HERC2: variants seen among roughly 807,000 people sequenced by gnomAD.
HERC2 encodes E3 ubiquitin-protein ligase HERC2.
In HERC2, 102 loss-of-function variants were observed where a neutral mutation model predicts 537.7. That is an observed-to-expected ratio of 0.19 (90% CI 0.16 to 0.22). The LOEUF (loss-of-function observed/expected upper bound fraction) is 0.22, where lower values mean the gene tolerates loss of function less well. Ranked by LOEUF, HERC2 falls within the 10% of genes least tolerant of loss-of-function variation. The probability of loss-of-function intolerance (pLI) is 1.00; values close to 1 mark genes in which losing one functional copy is unlikely to be tolerated. For synonymous variants in HERC2, 2,224 were observed against 2,466.2 expected, an observed-to-expected ratio of 0.90 and a Z score of 2.91; for missense variants, 4,236 against 6,198.2, an observed-to-expected ratio of 0.68 and a Z score of 10.63.
intron 69 of HERC2, among the ~76,000 whole-genome samples, chr15:28,160,854 C>T (rs1347658405): frequency 1.3e-5 from 2 of 152,196 alleles, no homozygotes; most frequent in Admixed American, 1.3e-4. Flanking sequence ...TGGAGCTGTT[C>T]CTATTCAGCC....
Position 28,176,347 on chromosome 15 carries a change from G to T in HERC2, c.9686+81C>A, listed in dbSNP as rs528352060. On this transcript the variant is annotated intron_variant, in intron 63 of 92. Coordinates refer to ENST00000261609, the MANE Select transcript of HERC2 (RefSeq NM_004667.6). This position sits in a 1 kb window ranked among gnomAD's most constrained non-coding sequence, Gnocchi z 5.0. ...AAGAGGACACGTCACAATCACGCCG[G>T]GTGAGCCTGGGGCGAGGCCCAGGTT... 9.5e-5 allele frequency: 126 copies of T among 1,329,622 alleles called. 1 individual carries two copies. In the South Asian group the frequency reaches 1.4e-3, roughly 15 times the overall value. The allele number at this position is 1,329,622 out of a possible 1,614,324, so 82.4% of individuals were successfully genotyped here. A position where few individuals can be genotyped will look rare whatever the true frequency, so the allele number is the denominator to read the frequency against.
intron 7 of HERC2, 109 bp downstream of exon 7, chr15:28,274,182 G>T: frequency 9.0e-7 from 1 of 1,117,304 alleles, no homozygotes; most frequent in Non-Finnish European, 1.3e-6. Flanking sequence ...CTGAAAACAG[G>T]TGAAAAACCA....
intron 16 of HERC2, among the ~76,000 whole-genome samples, chr15:28,258,315 C>T (rs896848437): frequency 6.6e-6 from 1 of 151,950 alleles, no homozygotes; most frequent in Non-Finnish European, 1.5e-5. Flanking sequence ...ACTGAAAATA[C>T]AAAAAAATTA....
Position 28,144,685 on chromosome 15 carries a change from T to G in HERC2, c.11128A>C (p.Met3710Leu). 6.2e-7 allele frequency: 1 copy of G among 1,614,216 alleles called. No homozygotes were observed. The change falls in exon 72 of 93, where the codon ATG becomes CTG. Residue 3710 changes from methionine (M) to leucine (L), a missense_variant. Physicochemically the swap from Met to Leu is conservative, Grantham distance 15. Transcript: ENST00000261609. ...WGWRFTVYPIMPAAGPKELLS... is the reference protein window; with the variant it reads ...WGWRFTVYPILPAAGPKELLS... ...GCCCCTTCCTTACCAGCAGCTGGCATGATGGGATAGACGGTGAAGCGCCAG... is the reference window on the plus strand; with the variant it reads ...GCCCCTTCCTTACCAGCAGCTGGCAGGATGGGATAGACGGTGAAGCGCCAG...
rs183015438 is a variant in HERC2 at position 28,189,534 on chromosome 15, C to T, written c.8649+1431G>A. 4.8e-4 allele frequency among the ~76,000 whole-genome samples: 73 copies of T among 152,294 alleles called. No individual in the cohort carries two copies. The East Asian group carries it at 5.2e-3, about 11-fold the overall frequency. On this transcript the variant is annotated intron_variant, in intron 55 of 92. Transcript: ENST00000261609. ...TTTCATTTTTATAGTTTGCCAATTT[C>T]TTCACTTATTAGCACCACTGGTATT...
At chr15:28,287,193 T>C (rs936421432) in intron 4 of HERC2, among the ~76,000 whole-genome samples, 12 of 152,158 alleles carry the variant, frequency 7.9e-5, no homozygotes, top group Non-Finnish European at 1.3e-4. Context: ...CTCAAATTAA[T>C]GTGTTTTTCT....
At position 28,146,243 on chromosome 15, in the gene HERC2, G is replaced by T; in HGVS notation, c.11002C>A (p.Arg3668=). 2 of 1,612,382 alleles carry T rather than the reference G, an allele frequency of 1.2e-6. No homozygotes were observed. The highest frequency in any genetic ancestry group is 1.7e-6 in the Non-Finnish European group (2 of 1,178,548). ...CTCAACCTCCTGTCCTTACCTGACC[G>T]CACGGAGACGATCCTGTTGACGCCG... The part of the protein sequence containing the change: ...MDGVNRIVSV[R]SGREWSDWSS... The change falls in exon 71 of 93, where the codon CGG becomes AGG. Residue 3668 remains arginine (R), a synonymous_variant. Coordinates refer to ENST00000261609, the MANE Select transcript of HERC2 (RefSeq NM_004667.6).
At chr15:28,159,989 G>A (rs1474475325) in intron 69 of HERC2, among the ~76,000 whole-genome samples, 3 of 152,220 alleles carry the variant, frequency 2.0e-5, no homozygotes, top group Non-Finnish European at 4.4e-5. Flanking sequence ...GAGTTTGCTG[G>A]AGGTCCACTC....
Position 28,220,624 on chromosome 15 carries a change from T to C in HERC2, c.5673A>G (p.Leu1891=), listed in dbSNP as rs1448596090. Residue 1891 remains leucine, a synonymous_variant, in exon 37 of 93, where the codon CTA becomes CTG. Coordinates refer to ENST00000261609, the MANE Select transcript of HERC2 (RefSeq NM_004667.6). The stretch of plus-strand genomic sequence containing the variant: ...CTCCCAGCTCACCAATCACGCGGCC[T>C]AGGCCTGGAGGAGGCCCATCCTGAG... ...WGDQDGPPPG[L]GRVIGELGED... is the part of the protein sequence containing the mutation. The C allele has an allele frequency of 5.6e-6, 9 of 1,604,180 alleles. No homozygotes were observed. In the East Asian group the frequency reaches 2.0e-4, roughly 36 times the overall value.
Position 28,283,871 on chromosome 15 carries a change from T to C in HERC2, c.323-3584A>G, listed in dbSNP as rs150608324. Among the ~76,000 whole-genome samples, 183 of 152,220 alleles carry C rather than the reference T, an allele frequency of 1.2e-3. 2 individuals are homozygous for C. The highest frequency in any genetic ancestry group is 0.012 in the East Asian group (62 of 5,184). On this transcript the variant is annotated intron_variant, in intron 4 of 92. Coordinates refer to ENST00000261609, the MANE Select transcript of HERC2 (RefSeq NM_004667.6). ...TGATAAGTGTTCATATATACACAGG[T>C]TGAGTGTCCCTTATAAAATGCTCAG... is the stretch of plus-strand genomic sequence containing the variant.
chr15:28,176,332 G>T lies in HERC2; in HGVS notation c.9686+96C>A. The T allele has an allele frequency of 1.8e-6, 2 of 1,122,452 alleles. No homozygotes were observed. Among genetic ancestry groups the T allele is most frequent in the Non-Finnish European group, 2.6e-6 (2 of 764,312 alleles). 69.5% of individuals were successfully genotyped at this position (1,122,452 alleles called of 1,614,324 possible). Reference sequence around the variant, plus strand: ...GCATGCATAAGTAAAAAGAGGACACGTCACAATCACGCCGGGTGAGCCTGG... The same window carrying T: ...GCATGCATAAGTAAAAAGAGGACACTTCACAATCACGCCGGGTGAGCCTGG... On this transcript the variant is annotated intron_variant, in intron 63 of 92. Transcript: ENST00000261609. This position sits in a 1 kb window ranked among gnomAD's most constrained non-coding sequence, Gnocchi z 5.0.
intron 23 of HERC2, among the ~76,000 whole-genome samples, chr15:28,243,849 G>A (rs1181514531): frequency 6.6e-6 from 1 of 152,070 alleles, no homozygotes; most frequent in Non-Finnish European, 1.5e-5. Context: ...CAAACCAAGA[G>A]TCCCACCAAG....
intron 70 of HERC2, among the ~76,000 whole-genome samples, chr15:28,146,549 A>G (rs1436700292): frequency 2.0e-5 from 3 of 152,346 alleles, no homozygotes; most frequent in East Asian, 3.9e-4. Flanking sequence ...AAGGCCAGAA[A>G]ACACTTCCAC....
chr15:28,274,218 G>T (rs1425879207), intron 7 of HERC2, 73 bp downstream of exon 7: 4 of 1,517,486 alleles, frequency 2.6e-6, no homozygotes, highest in Non-Finnish European at 3.6e-6. Flanking sequence ...TAGCTCTAAA[G>T]CAAGGGTGGT....
chr15:28,194,301 G>A (rs1203245065), intron 52 of HERC2, among the ~76,000 whole-genome samples: 1 of 144,996 alleles, frequency 6.9e-6, no homozygotes, highest in Non-Finnish European at 1.5e-5. Flanking sequence ...TCCTGACCTC[G>A]TGATCCACCC....
chr15:28,276,911 T>G (rs2075889501), intron 5 of HERC2, among the ~76,000 whole-genome samples: 1 of 152,008 alleles, frequency 6.6e-6, no homozygotes, highest in Non-Finnish European at 1.5e-5. Context: ...GACCCCAGTC[T>G]CTACAAATAC....
intron 70 of HERC2, among the ~76,000 whole-genome samples, chr15:28,147,373 A>C (rs1891859104): frequency 6.6e-6 from 1 of 152,238 alleles, no homozygotes; most frequent in Non-Finnish European, 1.5e-5. Context: ...ACACTCCTGT[A>C]ATCTTAGCAC....
chr15:28,126,580 A>G (rs4778248), intron 83 of HERC2, among the ~76,000 whole-genome samples: 147,058 of 152,324 alleles, frequency 0.97, 71,105 homozygotes, highest in Non-Finnish European at 0.99. Context: ...TGCATTTGCC[A>G]CAACCTGGAT....
At chr15:28,289,979 C>A (rs1220556803) in intron 4 of HERC2, among the ~76,000 whole-genome samples, 1 of 152,210 alleles carries the variant, frequency 6.6e-6, no homozygotes, top group Non-Finnish European at 1.5e-5. Context: ...GGACAACACA[C>A]CTCAGTGAGA....
Sources: gnomAD v4.1 joint callset for allele counts (sites outside exome capture counted in the v4.1 genomes callset) on GRCh38, gnomAD v4.1.1 for gene constraint, Gnocchi (gnomAD v3.1) non-coding constraint, MANE v1.5 for transcripts, NCBI Gene and HGNC (gene_info 2026-07-23, HGNC 2026-07-21) for gene names.